The following RBM33 variants were observed in gnomAD, a reference collection of about 807,000 sequenced individuals.
RBM33 encodes RNA binding motif protein 33.
A neutral mutation model predicts 132.6 loss-of-function variants in RBM33; 28 were observed. The ratio of observed to expected loss-of-function variants is 0.21; its 90% CI spans 0.16 to 0.29. The LOEUF is 0.29. Ranked by LOEUF, RBM33 falls within the 10% of genes least tolerant of loss-of-function variation. The probability of loss-of-function intolerance (pLI) is 1.00; values close to 1 mark genes in which losing one functional copy is unlikely to be tolerated. For missense variants in RBM33, 1,291 were observed against 1,518.5 expected, an observed-to-expected ratio of 0.85 and a Z score of 2.49; for synonymous variants, 634 against 593.0, an observed-to-expected ratio of 1.07 and a Z score of -1.01.
intron 5 of RBM33, among the ~76,000 whole-genome samples, chr7:155,689,947 C>T (rs1799586359): frequency 6.6e-6 from 1 of 152,114 alleles, no homozygotes; most frequent in African/African-American, 2.4e-5. Context: ...GTATGTTCTG[C>T]TGATTTAGGG....
At chr7:155,673,799 C>CACACACACACAT (rs776438670) in intron 3 of RBM33, among the ~76,000 whole-genome samples, 7 of 149,228 alleles carry the variant, frequency 4.7e-5, no homozygotes, top group African/African-American at 1.8e-4. Context: ...CACACACACA[C>CACACACACACAT]ACCCCTACCA....
intron 6 of RBM33, among the ~76,000 whole-genome samples, chr7:155,702,602 G>C (rs1296602978): frequency 2.0e-5 from 3 of 152,198 alleles, no homozygotes; most frequent in Admixed American, 6.5e-5. Context: ...TCACAGAACA[G>C]TCTACTTGAG....
chr7:155,773,183 T>G (rs1802486620), intron 16 of RBM33, among the ~76,000 whole-genome samples: 2 of 152,210 alleles, frequency 1.3e-5, no homozygotes, highest in Admixed American at 1.3e-4. Context: ...AAATAGTTTC[T>G]GGCCACCAAA....
At chr7:155,648,137 C>G (rs1373540141) in intron 1 of RBM33, among the ~76,000 whole-genome samples, 1 of 152,098 alleles carries the variant, frequency 6.6e-6, no homozygotes, top group Non-Finnish European at 1.5e-5. Context: ...TCAAACACAT[C>G]CAGTAGTAGA....
intron 1 of RBM33, among the ~76,000 whole-genome samples, chr7:155,650,282 C>T (rs1403398063): frequency 1.3e-5 from 2 of 152,184 alleles, no homozygotes; most frequent in Non-Finnish European, 2.9e-5. Context: ...CTTATTGACC[C>T]CTTTAGCATC....
Position 155,680,839 on chromosome 7 carries a change from A to G in RBM33, c.498A>G (p.Pro166=), listed in dbSNP as rs371081592. 4 of 1,613,922 alleles carry G rather than the reference A, an allele frequency of 2.5e-6. No homozygotes were observed. Among genetic ancestry groups the G allele is most frequent in the Non-Finnish European group, 3.4e-6 (4 of 1,179,844 alleles). ...ACCAAATAGAATATGTGGAAGAGCC[A>G]GAGGAGGAGCAGCTTTACACTGATG... ...TEDQIEYVEE[P]EEEQLYTDEV... The change falls in exon 5 of 18, where the codon CCA becomes CCG. Residue 166 remains proline, a synonymous_variant. Coordinates refer to ENST00000401878, the MANE Select transcript of RBM33 (RefSeq NM_053043.3).
At chr7:155,757,645 C>T (rs1319673328) in intron 14 of RBM33, among the ~76,000 whole-genome samples, 6 of 152,240 alleles carry the variant, frequency 3.9e-5, no homozygotes, top group Admixed American at 3.3e-4. Flanking sequence ...GATACTACTA[C>T]TTACCTCTTA....
At chr7:155,710,966 C>G (rs927484403) in intron 7 of RBM33, among the ~76,000 whole-genome samples, 1 of 149,978 alleles carries the variant, frequency 6.7e-6, no homozygotes, top group Non-Finnish European at 1.5e-5. Flanking sequence ...TTCCCTCTTG[C>G]GTGGGGATTG....
At chr7:155,686,369 T>G (rs1039056519) in intron 5 of RBM33, among the ~76,000 whole-genome samples, 1 of 152,092 alleles carries the variant, frequency 6.6e-6, no homozygotes. Context: ...GAGAGAGAAG[T>G]AGACAGAAGA....
In RBM33 at chr7:155,718,968, C is replaced by CTT. The variant is rs1585483126; in HGVS notation, c.1260+525_1260+526insTT. ...GCATATATTCTCTCTCTCTCTCTCTCACACACACACACTGTCATTCACTTA... is the reference window on the plus strand; with the variant it reads ...GCATATATTCTCTCTCTCTCTCTCTCTTACACACACACACTGTCATTCACTTA... On this transcript the variant is annotated intron_variant, in intron 9 of 17. Coordinates refer to ENST00000401878, the MANE Select transcript of RBM33 (RefSeq NM_053043.3). Among the ~76,000 whole-genome samples the CTT allele has an allele frequency of 3.3e-5, 5 of 151,808 alleles. No homozygotes were observed. The East Asian group carries it at 9.7e-4, about 29-fold the overall frequency.
intron 12 of RBM33, 34 bp from the exon 13 acceptor site, chr7:155,741,785 C>T (rs1218162045): frequency 4.4e-6 from 7 of 1,575,302 alleles, no homozygotes; most frequent in Non-Finnish European, 6.1e-6. Context: ...CAAGTTTCCA[C>T]TTACAATTAG....
chr7:155,741,477 G>GT (rs1226431351), intron 12 of RBM33, among the ~76,000 whole-genome samples: 13 of 152,256 alleles, frequency 8.5e-5, no homozygotes, highest in African/African-American at 2.9e-4. Context: ...AGATAGAGTG[G>GT]TTTTTTGGCT....
intron 16 of RBM33, among the ~76,000 whole-genome samples, chr7:155,773,397 C>A (rs1802493552): frequency 6.6e-6 from 1 of 151,870 alleles, no homozygotes; most frequent in Non-Finnish European, 1.5e-5. Flanking sequence ...GAAACCCGGT[C>A]TCTACTAAAA....
At chr7:155,678,833 G>T (rs750167915) in intron 4 of RBM33, 149 bp downstream of exon 4, 5 of 563,812 alleles carry the variant, frequency 8.9e-6, no homozygotes, top group Admixed American at 3.4e-5. Flanking sequence ...AGTAATAACT[G>T]TAGAAGCCAT....
intron 14 of RBM33, among the ~76,000 whole-genome samples, chr7:155,753,794 G>A (rs191024182): frequency 1.3e-5 from 2 of 152,344 alleles, no homozygotes; most frequent in East Asian, 1.9e-4. Flanking sequence ...GGCACCTCAT[G>A]CCTGCCAAGT....
intron 8 of RBM33, among the ~76,000 whole-genome samples, chr7:155,716,473 T>A (rs539699929): frequency 6.2e-4 from 95 of 152,172 alleles, no homozygotes; most frequent in Non-Finnish European, 1.2e-3. Context: ...TTAAAGAGGC[T>A]TAATGTTTTA....
chr7:155,720,953 T>G (rs1031296430), intron 9 of RBM33, among the ~76,000 whole-genome samples: 1 of 152,238 alleles, frequency 6.6e-6, no homozygotes, highest in South Asian at 2.1e-4. Flanking sequence ...GTGGTCTGTT[T>G]GAGTCAGTGT....
Position 155,680,807 on chromosome 7 carries a change from A to T in RBM33, c.466A>T (p.Thr156Ser), listed in dbSNP as rs1024430644. 1 of 1,613,756 alleles carries T rather than the reference A, an allele frequency of 6.2e-7. No individual in the cohort carries two copies. The highest frequency in any genetic ancestry group is 8.5e-7 in the Non-Finnish European group (1 of 1,179,818). The change falls in exon 5 of 18, where the codon ACA (threonine) becomes TCA (serine). Residue 156 changes from threonine (T) to serine (S), a missense_variant. By Grantham distance (58) the Thr-to-Ser change is moderately conservative. Transcript: ENST00000401878. ...GQYEGHEAEL[T>S]EDQIEYVEEP... ...GTATGAAGGCCACGAAGCTGAGTTG[A>T]CAGAAGACCAAATAGAATATGTGGA... is the stretch of plus-strand genomic sequence containing the variant.
chr7:155,711,345 A>G lies in RBM33; in HGVS notation c.1091A>G (p.Gln364Arg). The stretch of plus-strand genomic sequence containing the variant: ...CCTCAGGGAATGCACATGCCTCCCC[A>G]GCTAGAGACCCCAAGGATGATGATG... ...SPPQGMHMPP[Q>R]LETPRMMMTP... Residue 364 changes from glutamine to arginine, a missense_variant, in exon 8 of 18, where the codon CAG (glutamine) becomes CGG (arginine). This residue lies in a region of RBM33 where 146 missense variants were observed against 137.1 expected (regional missense o/e 1.07). Transcript: ENST00000401878. 1 of 1,603,876 alleles carries G rather than the reference A, an allele frequency of 6.2e-7. No individual in the cohort carries two copies. The highest frequency in any genetic ancestry group is 8.5e-7 in the Non-Finnish European group (1 of 1,175,422).
Sources: gnomAD v4.1 joint callset for allele counts (sites outside exome capture counted in the v4.1 genomes callset) on GRCh38, gnomAD v4.1.1 for gene constraint, gnomAD v4.1.1 regional missense constraint, MANE v1.5 for transcripts, NCBI Gene and HGNC (gene_info 2026-07-23, HGNC 2026-07-21) for gene names.